The following INPP5E variants were observed in gnomAD, a reference collection of about 807,000 sequenced individuals.
The protein encoded by INPP5E is inositol polyphosphate-5-phosphatase E.
In INPP5E, 34 loss-of-function variants were observed where a neutral mutation model predicts 50.5. The ratio of observed to expected loss-of-function variants is 0.67; its 90% confidence interval spans 0.51 to 0.90. The LOEUF (loss-of-function observed/expected upper bound fraction) is 0.90. INPP5E is among the 40% of genes least tolerant of loss of function. INPP5E has a pLI of 0.00. For synonymous variants in INPP5E, 447 were observed against 406.0 expected (o/e 1.10, Z -1.21); for missense variants, 942 against 905.5 (o/e 1.04, Z -0.52).
chr9:136,438,391 C>T, intron 1 of INPP5E: 1 of 604,816 alleles, frequency 1.7e-6, no homozygotes, highest in Non-Finnish European at 3.0e-6. Context: ...AACACAACGT[C>T]ACGCCCACGA....
Position 136,439,593 on chromosome 9 carries a change from C to T in INPP5E, c.-174G>A, listed in dbSNP as rs544247720. On this transcript the variant is annotated 5_prime_UTR_variant, in exon 1 of 10. Transcript: ENST00000371712. ...GGCGGCTGCCGCATGGCCCGGGCCC[C>T]GAGTCCCGCCAGCCCCTCGGGGCTC... The T allele has an allele frequency of 0.021, 8,604 of 406,996 alleles. 135 individuals are homozygous for T. Among genetic ancestry groups the T allele is most frequent in the Non-Finnish European group, 0.023 (5,533 of 240,282 alleles). The allele number at this position is 406,996 out of a possible 1,614,324, so 25.2% of individuals were successfully genotyped here.
At position 136,438,707 on chromosome 9, in the gene INPP5E, C is replaced by A. The variant is rs760298042; in HGVS notation, c.713G>T (p.Arg238Leu). The A allele has an allele frequency of 7.5e-6, 12 of 1,604,460 alleles. No homozygotes were observed. Among genetic ancestry groups the A allele is most frequent in the Non-Finnish European group, 9.4e-6 (11 of 1,176,010 alleles). Residue 238 changes from arginine to leucine, a missense_variant, in exon 1 of 10, where the codon CGG (arginine) becomes CTG (leucine). Transcript: ENST00000371712. ...GTCGCAGGCCAGGGGGCTCCGCGGC[C>A]GGCCGGGGCCCAGGCTGCTGTGGGC... ...VRAHSSLGPGRPRSPLACDDC... is the reference protein window; with the variant it reads ...VRAHSSLGPGLPRSPLACDDC...
chr9:136,429,802 G>A lies in INPP5E; in HGVS notation c.1808C>T (p.Pro603Leu), dbSNP rs746372090. Residue 603 changes from proline (P) to leucine (L), a missense_variant, in exon 10 of 10, where the codon CCG (proline) becomes CTG (leucine). Transcript: ENST00000371712. ...VKVRPGRDNI[P>L]LAAGKFDREL... ...TCTATCAAATTTGCCAGCTGCCAAC[G>A]GAATGCTGTGGAGGAGGAGGGGGCG... is the stretch of plus-strand genomic sequence containing the variant. 1.9e-6 allele frequency: 3 copies of A among 1,613,454 alleles called. No homozygotes were observed. The highest frequency in any genetic ancestry group is 1.3e-5 in the African/African-American group (1 of 74,900).
intron 3 of INPP5E, among the ~76,000 whole-genome samples, 194 bp downstream of exon 3, chr9:136,433,843 G>A (rs147875418): frequency 0.013 from 2,021 of 152,180 alleles, 49 homozygotes; most frequent in African/African-American, 0.046. Context: ...CTTCAGAGAC[G>A]GCAGCCCCCG....
rs1835685911 is a variant in INPP5E, at chr9:136,430,991, G to A, written c.1665+11C>T. On this transcript the variant is annotated intron_variant, in intron 8 of 9. Transcript: ENST00000371712. ...GAAGCACTCTGCACCGCAGCGGTGG[G>A]CAGGCCTCACCGTGTATGAGGGCGT... is the stretch of plus-strand genomic sequence containing the variant. 6.4e-7 allele frequency: 1 copy of A among 1,573,930 alleles called. No homozygotes were observed. The highest frequency in any genetic ancestry group is 8.7e-7 in the Non-Finnish European group (1 of 1,144,066).
At position 136,432,345 on chromosome 9, in the gene INPP5E, C is replaced by A. The variant is rs1285635560; in HGVS notation, c.1387+134G>T. ...CTAAAGAACCGCGAGGGGCCATGCG[C>A]TGGGGGCACTGGACGTTTCGGCCCT... On this transcript the variant is annotated intron_variant, in intron 6 of 9. Transcript: ENST00000371712. The A allele has an allele frequency of 4.2e-6, 3 of 713,772 alleles. No homozygotes were observed. In the East Asian group the frequency reaches 8.1e-5, roughly 19 times the overall value. 44.2% of individuals were successfully genotyped at this position (713,772 alleles called of 1,614,324 possible).
chr9:136,429,285 G>A lies in INPP5E; in HGVS notation c.*390C>T, dbSNP rs1420886801. The A allele has an allele frequency of 2.8e-6, 1 of 350,998 alleles. No homozygotes were observed. The highest frequency in any genetic ancestry group is 2.1e-5 in the African/African-American group (1 of 47,474). 21.7% of individuals were successfully genotyped at this position (350,998 alleles called of 1,614,324 possible). A position where few individuals can be genotyped will look rare whatever the true frequency, so the allele number is the denominator to read the frequency against. Reference sequence around the variant, plus strand: ...CAGATGGACGCCTGCTTCGGGTGTGGAGGGAGAGGCTGGTGCAGAGCACGG... The same window carrying A: ...CAGATGGACGCCTGCTTCGGGTGTGAAGGGAGAGGCTGGTGCAGAGCACGG... On this transcript the variant is annotated 3_prime_UTR_variant, in exon 10 of 10. Coordinates refer to ENST00000371712, the MANE Select transcript of INPP5E (RefSeq NM_019892.6).
chr9:136,432,574 T>C lies in INPP5E; in HGVS notation c.1292A>G (p.Lys431Arg), dbSNP rs1278728778. The C allele has an allele frequency of 6.5e-7, 1 of 1,548,144 alleles. No individual in the cohort carries two copies. The highest frequency in any genetic ancestry group is 1.4e-5 in the African/African-American group (1 of 73,120). Residue 431 changes from lysine (K) to arginine (R), a missense_variant, in exon 6 of 10, where the codon AAG (lysine) becomes AGG (arginine). Lys to Arg is a conservative substitution (Grantham distance 26, BLOSUM62 2). Coordinates refer to ENST00000371712, the MANE Select transcript of INPP5E (RefSeq NM_019892.6). ...ITSHFTSGDG[K>R]VAERLLDYTR... Reference sequence around the variant, plus strand: ...GTAGTCCAGCAGCCGCTCCGCCACCTTCCCGTCACCTGCTGTGGGAACAGA... The same window carrying C: ...GTAGTCCAGCAGCCGCTCCGCCACCCTCCCGTCACCTGCTGTGGGAACAGA...
At chr9:136,430,243 G>A (rs1564431082) in intron 9 of INPP5E, 34 bp downstream of exon 9, 1 of 1,550,660 alleles carries the variant, frequency 6.4e-7, no homozygotes, top group South Asian at 1.2e-5. Context: ...CGACCCCCAG[G>A]CCCAAGGGGG....
chr9:136,438,150 C>T (rs997295102), intron 1 of INPP5E: 37 of 189,108 alleles, frequency 2.0e-4, no homozygotes, highest in Non-Finnish European at 3.4e-4. Flanking sequence ...TGGCGGGCGC[C>T]TGTAATCCCA....
At chr9:136,434,580 C>T (rs1835788829) in intron 2 of INPP5E, among the ~76,000 whole-genome samples, 160 bp downstream of exon 2, 2 of 152,140 alleles carry the variant, frequency 1.3e-5, no homozygotes, top group South Asian at 4.1e-4. Flanking sequence ...GGGTCCTTAC[C>T]CACTCTCACC....
Position 136,438,749 on chromosome 9 carries a change from T to C in INPP5E, c.671A>G (p.Gln224Arg). 2 of 1,611,460 alleles carry C rather than the reference T, an allele frequency of 1.2e-6. No homozygotes were observed. The highest frequency in any genetic ancestry group is 1.7e-6 in the Non-Finnish European group (2 of 1,179,460). The change falls in exon 1 of 10, where the codon CAG (glutamine) becomes CGG (arginine). Residue 224 changes from glutamine to arginine, a missense_variant. Physicochemically the swap from Gln to Arg is conservative, Grantham distance 43. Transcript: ENST00000371712. Reference protein sequence around the residue: ...SDLADYKLRAQPLLVRAHSSL... With the variant: ...SDLADYKLRARPLLVRAHSSL... ...GCTGTGGGCCCGCACCAGGAGCGGC[T>C]GCGCGCGGAGCTTGTAGTCTGCAAG...
intron 1 of INPP5E, chr9:136,437,890 G>C (rs1835863124): frequency 6.5e-6 from 1 of 153,668 alleles, no homozygotes; most frequent in Non-Finnish European, 1.4e-5. Context: ...CATGGGTTCA[G>C]CTGCAGTTCC....
Position 136,433,189 on chromosome 9 carries a change from G to T in INPP5E, c.1125C>A (p.Leu375=). ...SAAHGVLYMS[L]FIRRDLIWFC... ...ACCAGATGAGGTCCCTGCGGATGAA[G>T]AGCGACATGTAGAGCACGCCGTGGG... The change falls in exon 4 of 10, where the codon CTC becomes CTA. Residue 375 remains leucine, a synonymous_variant. Transcript: ENST00000371712. 1 of 1,594,100 alleles carries T rather than the reference G, an allele frequency of 6.3e-7. No homozygotes were observed.
In INPP5E at chr9:136,439,158, C is replaced by T. The variant is rs894770887; in HGVS notation, c.262G>A (p.Asp88Asn). Residue 88 changes from aspartate (D) to asparagine (N), a missense_variant, in exon 1 of 10, where the codon GAC becomes AAC. Coordinates refer to ENST00000371712, the MANE Select transcript of INPP5E (RefSeq NM_019892.6). Reference protein sequence around the residue: ...PRLERALSLDDKGWRRRRFRG... With the variant: ...PRLERALSLDNKGWRRRRFRG... ...AAACGCCTCCTCCTCCAGCCCTTGT[C>T]GTCCAGGGACAGGGCTCGCTCCAGT... 1.5e-5 allele frequency: 23 copies of T among 1,571,402 alleles called. No homozygotes were observed. Among genetic ancestry groups the T allele is most frequent in the African/African-American group, 2.7e-5 (2 of 74,266 alleles).
chr9:136,432,671 G>T (rs1036957067), intron 5 of INPP5E, 85 bp from the exon 6 acceptor site: 5 of 1,009,724 alleles, frequency 5.0e-6, no homozygotes, highest in Non-Finnish European at 7.5e-6. Context: ...ACTGTGCCCT[G>T]ACTGCGCACC....
rs748503945 is a variant in INPP5E at position 136,439,137 on chromosome 9, G to GCCT, written c.280_282dup (p.Arg95dup). ...AGGTCCTCCTGGCTGCCTCGAAAAC[G>GCCT]CCTCCTCCTCCAGCCCTTGTCGTCC... is the stretch of plus-strand genomic sequence containing the variant. On this transcript the variant is annotated inframe_insertion, in exon 1 of 10. Transcript: ENST00000371712. The GCCT allele has an allele frequency of 5.7e-6, 9 of 1,583,318 alleles. No homozygotes were observed. The highest frequency in any genetic ancestry group is 7.7e-6 in the Non-Finnish European group (9 of 1,168,870).
chr9:136,434,881 C>A lies in INPP5E; in HGVS notation c.813-18G>T. The A allele has an allele frequency of 6.3e-7, 1 of 1,598,992 alleles. No individual in the cohort carries two copies. The highest frequency in any genetic ancestry group is 2.3e-5 in the East Asian group (1 of 44,270). ...GGTAACTCCTGTGACGGGAGGACCC[C>A]AAGCTCAGGGCCAGGCACAGGACAC... On this transcript the variant is annotated intron_variant, in intron 1 of 9. Transcript: ENST00000371712.
intron 5 of INPP5E, 38 bp downstream of exon 5, chr9:136,432,918 T>TC: frequency 6.2e-7 from 1 of 1,607,052 alleles, no homozygotes; most frequent in Non-Finnish European, 8.5e-7. Flanking sequence ...GAAGCTGTTC[T>TC]CACACAGCAC....
Sources: allele counts gnomAD v4.1 joint callset (sites outside exome capture counted in the v4.1 genomes callset), GRCh38; gene constraint gnomAD v4.1.1; transcripts MANE v1.5; gene names NCBI Gene and HGNC (gene_info 2026-07-23, HGNC 2026-07-21).